The following ECPAS variants were observed in gnomAD, a reference collection of about 807,000 sequenced individuals.
ECPAS encodes proteasome adapter and scaffold protein ECM29.
In ECPAS, 70 loss-of-function variants were observed where a neutral mutation model predicts 255.1. The ratio of observed to expected loss-of-function variants is 0.27; its 90% CI spans 0.23 to 0.33. ECPAS has a LOEUF of 0.33. Ranked by LOEUF, ECPAS falls within the 10% of genes least tolerant of loss-of-function variation. ECPAS has a pLI of 1.00. For missense variants in ECPAS, 1,817 were observed against 2,206.4 expected (o/e 0.82, Z 3.54); for synonymous variants, 784 against 775.0 (o/e 1.01, Z -0.19).
At chr9:111,421,886 A>C (rs1445276990) in intron 15 of ECPAS, 35 bp downstream of exon 15, 3 of 1,602,334 alleles carry the variant, frequency 1.9e-6, no homozygotes, top group Non-Finnish European at 2.5e-6. Flanking sequence ...TGTAAACCGT[A>C]TACTACCCAG....
At chr9:111,398,704 C>T (rs150150288) in intron 24 of ECPAS, among the ~76,000 whole-genome samples, 34 of 152,128 alleles carry the variant, frequency 2.2e-4, no homozygotes, top group African/African-American at 8.0e-4. Context: ...TGGGAGGCCA[C>T]GGTGGGCGGA....
At chr9:111,401,873 C>T (rs1168975736) in intron 24 of ECPAS, among the ~76,000 whole-genome samples, 1 of 152,198 alleles carries the variant, frequency 6.6e-6, no homozygotes, top group Non-Finnish European at 1.5e-5. Context: ...GTTATCTTTC[C>T]TTGTTCCCTG....
chr9:111,383,764 T>C (rs142988449), intron 34 of ECPAS, among the ~76,000 whole-genome samples: 3 of 151,764 alleles, frequency 2.0e-5, no homozygotes, highest in Non-Finnish European at 4.4e-5. Context: ...CTACAAAAAG[T>C]ATGAAAAATT....
intron 26 of ECPAS, 32 bp from the exon 27 acceptor site, chr9:111,393,766 A>C (rs960538054): frequency 7.9e-6 from 11 of 1,387,158 alleles, no homozygotes; most frequent in East Asian, 2.3e-5. Context: ...TAGAACACTG[A>C]AACTCTACCT....
intron 3 of ECPAS, among the ~76,000 whole-genome samples, chr9:111,447,281 T>C (rs1253549953): frequency 6.6e-6 from 1 of 152,072 alleles, no homozygotes; most frequent in Non-Finnish European, 1.5e-5. Context: ...CATGCTACCA[T>C]GCATGGTTTT....
intron 38 of ECPAS, among the ~76,000 whole-genome samples, chr9:111,374,368 G>A (rs926563815): frequency 3.9e-5 from 6 of 152,126 alleles, no homozygotes; most frequent in Admixed American, 2.6e-4. Flanking sequence ...AGGTGTGCCT[G>A]AAGACACTCA....
At chr9:111,394,011 A>G in intron 26 of ECPAS, 149 bp downstream of exon 26, 1 of 841,306 alleles carries the variant, frequency 1.2e-6, no homozygotes, top group Non-Finnish European at 1.8e-6. Context: ...TCCAGCCTAT[A>G]TACATCAGGC....
intron 1 of ECPAS, among the ~76,000 whole-genome samples, chr9:111,480,444 C>T (rs1416320476): frequency 6.6e-6 from 1 of 151,736 alleles, no homozygotes; most frequent in South Asian, 2.1e-4. Flanking sequence ...ACTACAGGCA[C>T]GTGCCGCCAC....
intron 2 of ECPAS, among the ~76,000 whole-genome samples, chr9:111,471,623 T>G (rs2098288299): frequency 6.6e-6 from 1 of 152,148 alleles, no homozygotes; most frequent in African/African-American, 2.4e-5. Flanking sequence ...ACAATCTGAA[T>G]TTACAGAGTT....
At chr9:111,374,323 C>A (rs1280065245) in intron 38 of ECPAS, among the ~76,000 whole-genome samples, 1 of 152,184 alleles carries the variant, frequency 6.6e-6, no homozygotes, top group African/African-American at 2.4e-5. Flanking sequence ...ACTGTGCTAA[C>A]ATTTCCATTT....
intron 36 of ECPAS, 132 bp from the exon 37 acceptor site, chr9:111,376,673 C>T (rs1449376457): frequency 2.9e-6 from 2 of 687,440 alleles, no homozygotes; most frequent in East Asian, 2.8e-5. Context: ...ATAACAAAGG[C>T]AAACATCAAG....
At chr9:111,407,403 G>GAAAAA (rs1161790026) in intron 24 of ECPAS, among the ~76,000 whole-genome samples, 183 of 12,056 alleles carry the variant, frequency 0.015, 22 homozygotes, top group Non-Finnish European at 0.025. Context: ...CTCCATCTCA[G>GAAAAA]AAAAAAAAAA....
In ECPAS at chr9:111,451,526, C is replaced by G; in HGVS notation, c.52G>C (p.Gly18Arg). ...DQLERVFLRL[G>R]HAETDEQLQN... ...AATTGTTCATCTGTTTCAGCATGGC[C>G]AAGTCGTAAAAAGACCCGTTCAAGC... is the stretch of plus-strand genomic sequence containing the variant. The change falls in exon 3 of 50, where the codon GGC becomes CGC. Residue 18 changes from glycine (G) to arginine (R), a missense_variant. Coordinates refer to ENST00000684092, the MANE Select transcript of ECPAS (RefSeq NM_001364929.1). The G allele has an allele frequency of 6.4e-7, 1 of 1,574,590 alleles. No individual in the cohort carries two copies.
chr9:111,417,808 T>G, intron 17 of ECPAS, 75 bp downstream of exon 17: 2 of 1,355,164 alleles, frequency 1.5e-6, no homozygotes, highest in Non-Finnish European at 2.0e-6. Flanking sequence ...GTGATTACAT[T>G]TTTCACTTTA....
rs183277271 is a variant in ECPAS at position 111,441,157 on chromosome 9, A to T, written c.390-636T>A. Among the ~76,000 whole-genome samples the T allele has an allele frequency of 6.5e-3, 984 of 151,698 alleles. 9 individuals are homozygous for T. The highest frequency in any genetic ancestry group is 0.023 in the African/African-American group (948 of 41,386). On this transcript the variant is annotated intron_variant, in intron 5 of 49. Coordinates refer to ENST00000684092, the MANE Select transcript of ECPAS (RefSeq NM_001364929.1). ...ACAGAGTGAGACTCCATCTCAAAAAACAAAAATAAAAATAAAAAAATAAAA... is the reference window on the plus strand; with the variant it reads ...ACAGAGTGAGACTCCATCTCAAAAATCAAAAATAAAAATAAAAAAATAAAA...
intron 4 of ECPAS, among the ~76,000 whole-genome samples, chr9:111,442,957 C>T (rs896304086): frequency 2.0e-5 from 3 of 152,070 alleles, no homozygotes; most frequent in Admixed American, 6.6e-5. Flanking sequence ...GTCAAGCATC[C>T]CAAATTTGAA....
intron 6 of ECPAS, among the ~76,000 whole-genome samples, chr9:111,437,918 T>C (rs1426995201): frequency 6.6e-6 from 1 of 152,140 alleles, no homozygotes; most frequent in African/African-American, 2.4e-5. Flanking sequence ...GATGATAAAT[T>C]CCATTATCAT....
intron 2 of ECPAS, among the ~76,000 whole-genome samples, chr9:111,454,901 C>G (rs2098265002): frequency 6.6e-6 from 1 of 151,888 alleles, no homozygotes; most frequent in Admixed American, 6.6e-5. Flanking sequence ...ACAGAGGTCT[C>G]TGGTCTTGAA....
intron 2 of ECPAS, among the ~76,000 whole-genome samples, chr9:111,463,396 T>G (rs1267736067): frequency 6.6e-6 from 1 of 152,168 alleles, no homozygotes; most frequent in East Asian, 1.9e-4. Context: ...AACTCAATAT[T>G]GCAAAGATGG....
Sources: allele counts gnomAD v4.1 joint callset (sites outside exome capture counted in the v4.1 genomes callset), GRCh38; gene constraint gnomAD v4.1.1; transcripts MANE v1.5; gene names NCBI Gene and HGNC (gene_info 2026-07-23, HGNC 2026-07-21).